Variants in MTNAP1 observed in about 807,000 individuals in gnomAD.
MTNAP1 encodes the protein mitochondrial nucleoid associated protein 1, also known as mitochondrial nucleoid-associated protein 1.
chr17:73,244,786 C>T, the MTNAP1 span: 2 of 168,008 alleles, frequency 1.2e-5, no homozygotes, highest in South Asian at 3.3e-4. Flanking sequence ...GTAGGTCCGA[C>T]AGCAGGAACA....
the MTNAP1 span, among the ~76,000 whole-genome samples, chr17:73,238,630 T>G: frequency 2.6e-5 from 4 of 152,238 alleles, no homozygotes; most frequent in African/African-American, 9.6e-5. Context: ...ACACATTTAA[T>G]TATATTAACA....
At chr17:73,245,805 A>G in the MTNAP1 span, 25 of 768,976 alleles carry the variant, frequency 3.3e-5, no homozygotes, top group Non-Finnish European at 4.0e-5. Context: ...GTTAAATCAC[A>G]TTTTATACAT....
the MTNAP1 span, chr17:73,236,431 A>G: frequency 6.2e-7 from 1 of 1,614,198 alleles, no homozygotes; most frequent in East Asian, 2.2e-5. Flanking sequence ...AGAGAAAAGT[A>G]TGTCTGCAAC....
At chr17:73,243,093 T>TTTTGGTTTTTTTTTTG in the MTNAP1 span, 38 of 991,314 alleles carry the variant, frequency 3.8e-5, no homozygotes, top group African/African-American at 5.6e-4. Flanking sequence ...TTTTTTTTTT[T>TTTTGGTTTTTTTTTTG]TTTTTTTTAC....
the MTNAP1 span, chr17:73,242,129 A>T: frequency 1.7e-6 from 1 of 583,456 alleles, no homozygotes; most frequent in East Asian, 3.1e-5. Context: ...TCTTTAATGC[A>T]CCTGTTTAGA....
the MTNAP1 span, chr17:73,245,593 A>T: frequency 1.0e-6 from 1 of 985,300 alleles, no homozygotes; most frequent in Non-Finnish European, 1.2e-6. Context: ...CTATATGTTG[A>T]TACAGGAAAG....
chr17:73,234,789 G>GTGTGTGTGTGTGTGTGTT, the MTNAP1 span, among the ~76,000 whole-genome samples: 2 of 151,084 alleles, frequency 1.3e-5, no homozygotes, highest in Non-Finnish European at 2.9e-5. Flanking sequence ...GTGTGTGTGT[G>GTGTGTGTGTGTGTGTGTT]TGTATATGCA....
chr17:73,242,846 G>A, the MTNAP1 span: 3 of 1,463,400 alleles, frequency 2.1e-6, no homozygotes, highest in Non-Finnish European at 2.8e-6. Context: ...CGCGGATACT[G>A]GCCCTAGTTT....
the MTNAP1 span, among the ~76,000 whole-genome samples, chr17:73,240,506 C>T: frequency 1.3e-5 from 2 of 152,184 alleles, no homozygotes; most frequent in Admixed American, 6.5e-5. Flanking sequence ...AAAGATGGTG[C>T]CATTGGCTCC....
the MTNAP1 span, among the ~76,000 whole-genome samples, chr17:73,244,115 AC>A: frequency 6.6e-6 from 1 of 152,186 alleles, no homozygotes; most frequent in Non-Finnish European, 1.5e-5. Flanking sequence ...GAAGGAAAAT[AC>A]CTTAATTTCA....
the MTNAP1 span, chr17:73,245,106 G>T: frequency 1.3e-6 from 2 of 1,507,276 alleles, no homozygotes; most frequent in Non-Finnish European, 1.8e-6. Flanking sequence ...AGAGGCAAAA[G>T]ATAGTAACAG....
At chr17:73,238,883 C>T in the MTNAP1 span, among the ~76,000 whole-genome samples, 1 of 152,090 alleles carries the variant, frequency 6.6e-6, no homozygotes, top group East Asian at 1.9e-4. Context: ...GAAAATACAC[C>T]ATAACTAAAA....
At chr17:73,233,869 T>C in the MTNAP1 span, among the ~76,000 whole-genome samples, 243 of 118,528 alleles carry the variant, frequency 2.1e-3, 2 homozygotes, top group Admixed American at 3.8e-3. Context: ...CAAGACTCCA[T>C]CTCAAAAAAA....
the MTNAP1 span, chr17:73,242,859 G>T: frequency 3.2e-6 from 5 of 1,558,526 alleles, no homozygotes; most frequent in Non-Finnish European, 3.5e-6. Context: ...CCTAGTTTCA[G>T]TTGCTGTAAC....
chr17:73,239,153 C>T, the MTNAP1 span, among the ~76,000 whole-genome samples: 1 of 152,062 alleles, frequency 6.6e-6, no homozygotes, highest in African/African-American at 2.4e-5. Flanking sequence ...TCAGGCTGGT[C>T]TTGAACTCGT....
At chr17:73,244,974 G>C in the MTNAP1 span, among the ~76,000 whole-genome samples, 2 of 152,176 alleles carry the variant, frequency 1.3e-5, no homozygotes, top group African/African-American at 4.8e-5. Flanking sequence ...AGTTTTACCA[G>C]TCTGAAAGGG....
chr17:73,235,978 C>A, the MTNAP1 span: 3 of 1,614,200 alleles, frequency 1.9e-6, no homozygotes, highest in Non-Finnish European at 2.5e-6. Flanking sequence ...TCGATGTAAT[C>A]CTTCAGAAGC....
chr17:73,236,223 C>T, the MTNAP1 span: 4 of 1,614,160 alleles, frequency 2.5e-6, no homozygotes, highest in Non-Finnish European at 2.5e-6. Context: ...CATTATTAAG[C>T]AATGAGAGAG....
the MTNAP1 span, among the ~76,000 whole-genome samples, chr17:73,234,322 T>G: frequency 2.8e-5 from 1 of 35,158 alleles, no homozygotes; most frequent in Non-Finnish European, 6.8e-5. Flanking sequence ...GGTATAAATG[T>G]TTTTTTTTTA....
Sources: allele counts gnomAD v4.1 joint callset (sites outside exome capture counted in the v4.1 genomes callset), GRCh38; gene constraint gnomAD v4.1.1; transcripts MANE v1.5; gene names NCBI Gene and HGNC (gene_info 2026-07-23, HGNC 2026-07-21).